Variants in NEK11 observed in about 807,000 individuals in gnomAD.
NEK11 encodes the protein NIMA related kinase 11.
In NEK11, 72 loss-of-function variants were observed where a neutral mutation model predicts 80.7. The observed-to-expected ratio is 0.89, with a 90% CI of 0.74 to 1.08. The LOEUF (loss-of-function observed/expected upper bound fraction) is 1.08. Among genes scored for constraint, NEK11 ranks in the 50% least tolerant of loss-of-function variants. The pLI, the probability that NEK11 is intolerant of heterozygous loss-of-function variation, is 0.00. For synonymous variants in NEK11, 251 were observed against 260.7 expected, an observed-to-expected ratio of 0.96 and a Z score of 0.36; for missense variants, 764 against 763.6, an observed-to-expected ratio of 1.00 and a Z score of -0.01.
At chr3:131,133,753 A>G in intron 6 of NEK11, 77 bp from the exon 7 acceptor site, 1 of 1,111,914 alleles carries the variant, frequency 9.0e-7, no homozygotes, top group Non-Finnish European at 1.3e-6. Context: ...CAAATTAGGC[A>G]CTCATTCAGT....
chr3:131,082,866 A>G (rs2075469676), intron 4 of NEK11, among the ~76,000 whole-genome samples: 1 of 152,232 alleles, frequency 6.6e-6, no homozygotes, highest in Admixed American at 6.5e-5. Context: ...AGTTTCAGAC[A>G]TGATGCTCCT....
chr3:131,262,731 G>A (rs1274125952), intron 16 of NEK11, among the ~76,000 whole-genome samples: 5 of 152,076 alleles, frequency 3.3e-5, no homozygotes, highest in Admixed American at 3.3e-4. Context: ...TGTTACATAG[G>A]TATACACATG....
intron 17 of NEK11, among the ~76,000 whole-genome samples, chr3:131,349,282 A>G (rs1456167456): frequency 6.6e-6 from 1 of 151,928 alleles, no homozygotes; most frequent in Non-Finnish European, 1.5e-5. Flanking sequence ...TCTGTGTATT[A>G]TATATATATA....
At position 131,331,827 on chromosome 3, in the gene NEK11, C is replaced by T. The variant is rs894366834; in HGVS notation, c.1719-17730C>T. On this transcript the variant is annotated intron_variant, in intron 17 of 17. Transcript: ENST00000383366. ...AGGAGATTATATCCCACAACTGGCT[C>T]GGAGGGTCCTACAACCACAGAGTCT... Among the ~76,000 whole-genome samples the T allele has an allele frequency of 3.9e-5, 6 of 152,320 alleles. No individual in the cohort carries two copies. The East Asian group carries it at 7.7e-4, about 20-fold the overall frequency.
chr3:131,208,877 G>A (rs920564258), intron 14 of NEK11, among the ~76,000 whole-genome samples: 7 of 152,124 alleles, frequency 4.6e-5, no homozygotes, highest in Non-Finnish European at 8.8e-5. Flanking sequence ...GAGACGATGG[G>A]GTTTTCTAAG....
intron 16 of NEK11, among the ~76,000 whole-genome samples, chr3:131,266,590 CT>C (rs1483183884): frequency 1.3e-5 from 2 of 152,162 alleles, no homozygotes; most frequent in Non-Finnish European, 2.9e-5. Flanking sequence ...GATTTCCATT[CT>C]TTTGCATTTG....
At chr3:131,081,833 A>C (rs2075320952) in intron 4 of NEK11, among the ~76,000 whole-genome samples, 1 of 152,200 alleles carries the variant, frequency 6.6e-6, no homozygotes, top group Non-Finnish European at 1.5e-5. Flanking sequence ...TTTGAGAGAG[A>C]GAAAAGAAGA....
At chr3:131,047,439 G>C (rs1217999779) in intron 3 of NEK11, among the ~76,000 whole-genome samples, 2 of 152,324 alleles carry the variant, frequency 1.3e-5, no homozygotes, top group East Asian at 3.9e-4. Context: ...AAGGACTGCT[G>C]TTTAGATTCT....
At chr3:131,218,465 A>C (rs973291541) in intron 14 of NEK11, among the ~76,000 whole-genome samples, 3 of 152,214 alleles carry the variant, frequency 2.0e-5, no homozygotes, top group Non-Finnish European at 4.4e-5. Context: ...GAGATGTGGC[A>C]TCATCTTTTC....
chr3:131,053,193 C>A (rs1169853617), intron 3 of NEK11: 4 of 152,156 alleles, frequency 2.6e-5, no homozygotes, highest in Non-Finnish European at 5.9e-5. Context: ...TAAAAATTGA[C>A]CATTATGAAC....
At chr3:131,041,348 A>G (rs1017649272) in intron 3 of NEK11, among the ~76,000 whole-genome samples, 6 of 152,218 alleles carry the variant, frequency 3.9e-5, no homozygotes, top group African/African-American at 1.4e-4. Context: ...CACATATCTG[A>G]AATTGCATTT....
chr3:131,226,125 CAG>C (rs2095186290), intron 14 of NEK11, among the ~76,000 whole-genome samples: 1 of 151,940 alleles, frequency 6.6e-6, no homozygotes, highest in African/African-American at 2.4e-5. Flanking sequence ...ATGGACAACT[CAG>C]AGAAAGAGAC....
At chr3:131,047,917 T>TCTG (rs1188073312) in intron 3 of NEK11, among the ~76,000 whole-genome samples, 1 of 152,118 alleles carries the variant, frequency 6.6e-6, no homozygotes, top group East Asian at 1.9e-4. Flanking sequence ...GTTAGGTGTG[T>TCTG]CTGAGCTCAG....
chr3:131,129,399 G>A (rs1392747829), intron 5 of NEK11, among the ~76,000 whole-genome samples: 1 of 152,092 alleles, frequency 6.6e-6, no homozygotes, highest in Non-Finnish European at 1.5e-5. Flanking sequence ...CTCCCAGTCT[G>A]TGGCTTATCT....
chr3:131,051,496 G>A (rs1015030522), intron 3 of NEK11, among the ~76,000 whole-genome samples: 1 of 152,078 alleles, frequency 6.6e-6, no homozygotes, highest in African/African-American at 2.4e-5. Flanking sequence ...ATCATTTTTT[G>A]TATTGATGTT....
chr3:131,175,184 T>G, intron 14 of NEK11: 1 of 872,554 alleles, frequency 1.1e-6, no homozygotes. Context: ...AAACCTCTAC[T>G]CACTCACTAA....
In NEK11 at chr3:131,269,810, C is replaced by A. The variant is rs146414205; in HGVS notation, c.1622-3668C>A. ...GGGCTTCATGGACGTGAGACCAGTGCAGTTACACAGAGCCCTAGGTTCAGG... is the reference window on the plus strand; with the variant it reads ...GGGCTTCATGGACGTGAGACCAGTGAAGTTACACAGAGCCCTAGGTTCAGG... On this transcript the variant is annotated intron_variant, in intron 16 of 17. Transcript: ENST00000383366. 3.9e-5 allele frequency among the ~76,000 whole-genome samples: 6 copies of A among 152,306 alleles called. 1 individual carries two copies. In the East Asian group the frequency reaches 9.6e-4, roughly 24 times the overall value.
intron 3 of NEK11, among the ~76,000 whole-genome samples, chr3:131,033,245 C>T (rs571970839): frequency 6.6e-6 from 1 of 152,050 alleles, no homozygotes; most frequent in South Asian, 2.1e-4. Flanking sequence ...ATTATTAGCA[C>T]TACTCATTGT....
intron 7 of NEK11, among the ~76,000 whole-genome samples, chr3:131,136,769 T>A (rs1215852691): frequency 6.6e-6 from 1 of 152,212 alleles, no homozygotes; most frequent in Non-Finnish European, 1.5e-5. Flanking sequence ...AATGCTTTGA[T>A]CACAGCTGAT....
Sources: allele counts gnomAD v4.1 joint callset (sites outside exome capture counted in the v4.1 genomes callset), GRCh38; gene constraint gnomAD v4.1.1; transcripts MANE v1.5; gene names NCBI Gene and HGNC (gene_info 2026-07-23, HGNC 2026-07-21).